The following ATP2B4 variants were observed in gnomAD, a reference collection of about 807,000 sequenced individuals.
The protein encoded by ATP2B4 is ATPase plasma membrane Ca2+ transporting 4.
In ATP2B4, 39 loss-of-function variants were observed where a neutral mutation model predicts 110.3. That is an observed-to-expected ratio of 0.35 (90% CI 0.27 to 0.46). ATP2B4 has a LOEUF of 0.46. Ranked by LOEUF, ATP2B4 falls within the 20% of genes least tolerant of loss-of-function variation. The pLI, the probability that ATP2B4 is intolerant of heterozygous loss-of-function variation, is 1.00. For synonymous variants in ATP2B4, 538 were observed against 571.7 expected (o/e 0.94, Z 0.84); for missense variants, 1,135 against 1,530.9 (o/e 0.74, Z 4.32).
In ATP2B4 at chr1:203,698,073, C is replaced by A. The variant is rs115915776; in HGVS notation, c.194-84C>A. 1.4e-3 allele frequency: 1,719 copies of A among 1,185,854 alleles called. 15 individuals are homozygous for A. The African/African-American group carries it at 0.022, about 15-fold the overall frequency. 73.5% of individuals were successfully genotyped at this position (1,185,854 alleles called of 1,614,324 possible). A position where few individuals can be genotyped will look rare whatever the true frequency, so the allele number is the denominator to read the frequency against. The stretch of plus-strand genomic sequence containing the variant: ...CCAGGCTAGAGTGTAATGACATGAT[C>A]ATGGCTCACTGCCACTTCAAAACTG... On this transcript the variant is annotated intron_variant, in intron 2 of 20. Coordinates refer to ENST00000357681, the MANE Select transcript of ATP2B4 (RefSeq NM_001684.5).
At chr1:203,698,462 C>T in intron 3 of ATP2B4, 108 bp downstream of exon 3, 3 of 1,228,832 alleles carry the variant, frequency 2.4e-6, no homozygotes, top group South Asian at 1.4e-5. Context: ...AACATTTCCC[C>T]CATTATCCAG....
intron 1 of ATP2B4, among the ~76,000 whole-genome samples, chr1:203,636,640 A>G (rs1161783465): frequency 6.6e-6 from 1 of 152,164 alleles, no homozygotes; most frequent in Non-Finnish European, 1.5e-5. Context: ...AAAACTGGTA[A>G]TCTGGACTCT....
intron 2 of ATP2B4, among the ~76,000 whole-genome samples, chr1:203,697,105 C>T (rs1665555541): frequency 6.6e-6 from 1 of 152,134 alleles, no homozygotes; most frequent in African/African-American, 2.4e-5. Flanking sequence ...TAGTATCTCT[C>T]AGTGGTGTGT....
Position 203,728,182 on chromosome 1 carries a change from A to G in ATP2B4, c.3309+611A>G, listed in dbSNP as rs371620300. 8.7e-5 allele frequency: 41 copies of G among 469,080 alleles called. No individual in the cohort carries two copies. In the East Asian group the frequency reaches 1.5e-3, roughly 18 times the overall value. The allele number at this position is 469,080 out of a possible 1,614,324, so 29.1% of individuals were successfully genotyped here. On this transcript the variant is annotated intron_variant, in intron 20 of 20. Transcript: ENST00000357681. ...TTGCAGGATTCAGACTTGCTTCCTGACAAGGAGGAAGCAATAATTTCTTCA... is the reference window on the plus strand; with the variant it reads ...TTGCAGGATTCAGACTTGCTTCCTGGCAAGGAGGAAGCAATAATTTCTTCA...
rs781437921 is a variant in ATP2B4 at position 203,707,966 on chromosome 1, C to T, written c.1419C>T (p.Asn473=). Residue 473 remains asparagine, a synonymous_variant, in exon 10 of 21, where the codon AAC becomes AAT. Transcript: ENST00000357681. ...CSDKTGTLTM[N]RMTVVQAYIG... ...ATAAGACAGGCACGTTGACCATGAA[C>T]CGCATGACTGTGGTACAAGCTTATA... 6.8e-6 allele frequency: 11 copies of T among 1,614,206 alleles called. No individual in the cohort carries two copies. The East Asian group carries it at 2.2e-4, about 33-fold the overall frequency.
intron 2 of ATP2B4, among the ~76,000 whole-genome samples, chr1:203,687,964 C>A (rs1360378545): frequency 1.3e-5 from 2 of 151,190 alleles, no homozygotes; most frequent in African/African-American, 4.9e-5. Flanking sequence ...CATTTAAACC[C>A]TTTAGCCTGG....
chr1:203,656,969 A>C (rs902160123), intron 1 of ATP2B4: 6 of 708,940 alleles, frequency 8.5e-6, no homozygotes, highest in Non-Finnish European at 1.6e-5. Context: ...AATTGCTGTC[A>C]AACCAGTAAG....
chr1:203,649,254 G>A (rs760889183), intron 1 of ATP2B4, among the ~76,000 whole-genome samples: 10 of 152,160 alleles, frequency 6.6e-5, no homozygotes, highest in Non-Finnish European at 1.2e-4. Flanking sequence ...TGCGAATGAT[G>A]TGTTCAAAGT....
chr1:203,721,278 C>T lies in ATP2B4; in HGVS notation c.2680C>T (p.Pro894Ser), dbSNP rs77789819. The T allele has an allele frequency of 5.0e-4, 806 of 1,614,208 alleles. 7 individuals carry two copies. The East Asian group carries it at 0.012, about 24-fold the overall frequency. Residue 894 changes from proline (P) to serine (S), a missense_variant, in exon 17 of 21, where the codon CCC (proline) becomes TCC (serine). Pro to Ser is a moderately conservative substitution (Grantham distance 74). This residue lies in a region of ATP2B4 where 155 missense variants were observed against 186.2 expected (regional missense o/e 0.83). Coordinates refer to ENST00000357681, the MANE Select transcript of ATP2B4 (RefSeq NM_001684.5). ...TGCTTCATTGGCCCTGGCCACAGAG[C>T]CCCCTACGGAATCTCTGTTGAAGCG... ...TFASLALATE[P>S]PTESLLKRRP... is the part of the protein sequence containing the mutation.
chr1:203,740,185 C>T lies in ATP2B4; in HGVS notation c.*331C>T. On this transcript the variant is annotated 3_prime_UTR_variant, in exon 21 of 21. Transcript: ENST00000357681. ...ACCCCACATTCTCCCCGATGTTCCT[C>T]TCCTGAATTCTGGATTTTGTCCTAC... 3.8e-6 allele frequency: 1 copy of T among 262,028 alleles called. No homozygotes were observed. The allele number at this position is 262,028 out of a possible 1,614,324, so 16.2% of individuals were successfully genotyped here. A position where few individuals can be genotyped will look rare whatever the true frequency, so the allele number is the denominator to read the frequency against.
chr1:203,684,353 A>ATTTT (rs56376451), intron 2 of ATP2B4, among the ~76,000 whole-genome samples: 2 of 125,430 alleles, frequency 1.6e-5, no homozygotes, highest in Non-Finnish European at 3.4e-5. Flanking sequence ...CCCCATCTCT[A>ATTTT]TTTTTTTTTT....
chr1:203,646,300 G>A (rs1334549129), intron 1 of ATP2B4, among the ~76,000 whole-genome samples: 1 of 152,038 alleles, frequency 6.6e-6, no homozygotes, highest in Non-Finnish European at 1.5e-5. Flanking sequence ...GGTGGTTGTG[G>A]AATTCAAACC....
At chr1:203,701,993 T>A in intron 6 of ATP2B4, 51 bp from the exon 7 acceptor site, 1 of 1,607,800 alleles carries the variant, frequency 6.2e-7, no homozygotes, top group Non-Finnish European at 8.5e-7. Flanking sequence ...TTGGATCTCT[T>A]AATAGTTACT....
chr1:203,735,673 C>CA (rs1318092827), intron 20 of ATP2B4, among the ~76,000 whole-genome samples: 3 of 152,004 alleles, frequency 2.0e-5, no homozygotes, highest in Non-Finnish European at 4.4e-5. Flanking sequence ...TTCTTTAGGT[C>CA]AAAAAAACAG....
chr1:203,643,192 A>G (rs1423356021), intron 1 of ATP2B4, among the ~76,000 whole-genome samples: 1 of 152,154 alleles, frequency 6.6e-6, no homozygotes, highest in African/African-American at 2.4e-5. Flanking sequence ...ATATTTGAGC[A>G]AGAAGAGTCC....
At chr1:203,694,833 A>G (rs1177758357) in intron 2 of ATP2B4, among the ~76,000 whole-genome samples, 1 of 152,160 alleles carries the variant, frequency 6.6e-6, no homozygotes, top group East Asian at 1.9e-4. Context: ...TATAATCCAG[A>G]TGAGAGAGGA....
At chr1:203,702,206 T>G in intron 7 of ATP2B4, 127 bp downstream of exon 7, 3 of 1,233,222 alleles carry the variant, frequency 2.4e-6, no homozygotes, top group South Asian at 1.4e-5. Context: ...CTCAGATGCC[T>G]CATCCTGAGG....
At chr1:203,690,586 C>T (rs1037967045) in intron 2 of ATP2B4, among the ~76,000 whole-genome samples, 1 of 151,986 alleles carries the variant, frequency 6.6e-6, no homozygotes, top group African/African-American at 2.4e-5. Flanking sequence ...ATTTTTCTTC[C>T]CTATCTTTAG....
At chr1:203,672,434 C>T (rs1376550695) in intron 1 of ATP2B4, among the ~76,000 whole-genome samples, 1 of 147,990 alleles carries the variant, frequency 6.8e-6, no homozygotes, top group Non-Finnish European at 1.5e-5. Flanking sequence ...TCATTACAGG[C>T]ACATAAATAG....
Sources: gnomAD v4.1 joint callset for allele counts (sites outside exome capture counted in the v4.1 genomes callset) on GRCh38, gnomAD v4.1.1 for gene constraint, gnomAD v4.1.1 regional missense constraint, MANE v1.5 for transcripts, NCBI Gene and HGNC (gene_info 2026-07-23, HGNC 2026-07-21) for gene names.